The following PTPRA variants were observed in gnomAD, a reference collection of about 807,000 sequenced individuals.
PTPRA encodes protein tyrosine phosphatase receptor type A.
PTPRA carries 25 observed loss-of-function variants against 104.8 expected under a neutral mutation model. That is an observed-to-expected ratio of 0.24 (90% CI 0.17 to 0.33). The LOEUF (loss-of-function observed/expected upper bound fraction) is 0.33. Among genes scored for constraint, PTPRA ranks in the 10% least tolerant of loss-of-function variants. The pLI is 1.00. For missense variants in PTPRA, 765 were observed against 1,015.3 expected (o/e 0.75, Z 3.35); for synonymous variants, 323 against 368.9 (o/e 0.88, Z 1.43).
chr20:3,002,277 T>G lies in PTPRA; in HGVS notation c.739-2779T>G, dbSNP rs139435802. Reference sequence around the variant, plus strand: ...TTCATTCTTCATTTCTGCCTCTTGCTCTTCCCAGTCCACTTTTGCCTTCAT... The same window carrying G: ...TTCATTCTTCATTTCTGCCTCTTGCGCTTCCCAGTCCACTTTTGCCTTCAT... On this transcript the variant is annotated intron_variant, in intron 9 of 23. Coordinates refer to ENST00000399903, the MANE Select transcript of PTPRA (RefSeq NM_001385305.1). 3.2e-3 allele frequency among the ~76,000 whole-genome samples: 486 copies of G among 152,010 alleles called. 3 individuals carry two copies. The highest frequency in any genetic ancestry group is 0.011 in the African/African-American group (466 of 41,480).
chr20:2,938,951 T>C (rs951973767), intron 2 of PTPRA, among the ~76,000 whole-genome samples: 12 of 152,346 alleles, frequency 7.9e-5, no homozygotes, highest in African/African-American at 2.9e-4. Context: ...ATGAGTAATG[T>C]TGGATTGCAT....
intron 11 of PTPRA, among the ~76,000 whole-genome samples, chr20:3,008,110 C>CAAAA (rs1568693399): frequency 1.3e-5 from 2 of 152,126 alleles, no homozygotes; most frequent in African/African-American, 4.8e-5. Context: ...GGAAAGCTGG[C>CAAAA]AAAAGCAAGT....
intron 11 of PTPRA, among the ~76,000 whole-genome samples, chr20:3,009,809 T>A (rs968999160): frequency 1.3e-5 from 2 of 152,008 alleles, no homozygotes; most frequent in Non-Finnish European, 2.9e-5. Context: ...TGTGTCCAGC[T>A]GCGGGTAAGA....
At chr20:3,024,838 T>C (rs1187838141) in intron 17 of PTPRA, among the ~76,000 whole-genome samples, 1 of 152,178 alleles carries the variant, frequency 6.6e-6, no homozygotes, top group Non-Finnish European at 1.5e-5. Context: ...CAGGCAACAG[T>C]ATTTTAAGGC....
chr20:2,967,374 C>A (rs1352204260), intron 5 of PTPRA, among the ~76,000 whole-genome samples: 1 of 152,112 alleles, frequency 6.6e-6, no homozygotes, highest in Non-Finnish European at 1.5e-5. Flanking sequence ...GTCTTAAACC[C>A]CACATCCCAC....
At position 2,986,749 on chromosome 20, in the gene PTPRA, G is replaced by A. The variant is rs768884678; in HGVS notation, c.443-16G>A. 13 of 1,598,614 alleles carry A rather than the reference G, an allele frequency of 8.1e-6. No individual in the cohort carries two copies. Among genetic ancestry groups the A allele is most frequent in the Admixed American group, 1.7e-5 (1 of 59,984 alleles). ...GCACAACACAGTAATGACTTGTTCT[G>A]TTGTCTTGATTTCAGATGAGACACC... is the stretch of plus-strand genomic sequence containing the variant. On this transcript the variant is annotated splice_polypyrimidine_tract_variant and intron_variant, in intron 6 of 23. Transcript: ENST00000399903.
chr20:2,945,932 A>G (rs1473720965), intron 2 of PTPRA, among the ~76,000 whole-genome samples: 1 of 151,824 alleles, frequency 6.6e-6, no homozygotes, highest in Non-Finnish European at 1.5e-5. Context: ...CCATCTCAAT[A>G]TATATATGCG....
intron 1 of PTPRA, among the ~76,000 whole-genome samples, chr20:2,922,677 G>A (rs1371276091): frequency 4.6e-5 from 7 of 151,090 alleles, no homozygotes; most frequent in Middle Eastern, 3.5e-3. Context: ...TGACTTTGTC[G>A]CCTGAGCTGG....
At chr20:2,903,312 A>T (rs2059302492) in intron 1 of PTPRA, among the ~76,000 whole-genome samples, 1 of 152,278 alleles carries the variant, frequency 6.6e-6, no homozygotes. Flanking sequence ...TGTGATGTGG[A>T]GTAAGTGAGC....
chr20:2,910,610 A>AT (rs1352753968), intron 1 of PTPRA, among the ~76,000 whole-genome samples: 1,681 of 45,418 alleles, frequency 0.037, 126 homozygotes, highest in African/African-American at 0.11. Context: ...GTTTTTTTTA[A>AT]TTTTTTTTTT....
At chr20:2,908,599 G>A (rs73084699) in intron 1 of PTPRA, among the ~76,000 whole-genome samples, 5 of 152,142 alleles carry the variant, frequency 3.3e-5, no homozygotes, top group Non-Finnish European at 7.4e-5. Flanking sequence ...TGCCTTAAAA[G>A]CATGACATTC....
chr20:2,898,747 G>T (rs1340503082), intron 1 of PTPRA, among the ~76,000 whole-genome samples: 1 of 151,820 alleles, frequency 6.6e-6, no homozygotes, highest in Non-Finnish European at 1.5e-5. Flanking sequence ...AGTCCCAGCT[G>T]CTAGGGAGGC....
rs533567902 is a variant in PTPRA at position 2,880,996 on chromosome 20, A to T, written c.-129+7236A>T. Among the ~76,000 whole-genome samples, 163 of 151,838 alleles carry T rather than the reference A, an allele frequency of 1.1e-3. 2 individuals carry two copies. The highest frequency in any genetic ancestry group is 1.9e-3 in the Non-Finnish European group (131 of 67,934). On this transcript the variant is annotated intron_variant, in intron 1 of 23. Coordinates refer to ENST00000399903, the MANE Select transcript of PTPRA (RefSeq NM_001385305.1). The stretch of plus-strand genomic sequence containing the variant: ...GTACTCCAGCCTGGGGGACAGAGGG[A>T]GACTCTGTGTCTCAAAAAAAAAAAG...
intron 1 of PTPRA, among the ~76,000 whole-genome samples, chr20:2,874,461 A>G (rs991584490): frequency 2.6e-5 from 4 of 151,938 alleles, no homozygotes; most frequent in African/African-American, 9.7e-5. Flanking sequence ...ATCACTGATG[A>G]TATTTGTAAG....
At position 3,024,600 on chromosome 20, in the gene PTPRA, T is replaced by C. The variant is rs1323675727; in HGVS notation, c.1593T>C (p.Asn531=). 3.1e-6 allele frequency: 5 copies of C among 1,613,944 alleles called. No homozygotes were observed. Among genetic ancestry groups the C allele is most frequent in the Non-Finnish European group, 4.2e-6 (5 of 1,180,020 alleles). Residue 531 remains asparagine, a synonymous_variant, in exon 17 of 24, where the codon AAT becomes AAC. Coordinates refer to ENST00000399903, the MANE Select transcript of PTPRA (RefSeq NM_001385305.1). ...ACAAAATCCCAGGGACCAGCAACAATGGATTAGAGGAGGAGTTTAAGGTGA... is the reference window on the plus strand; with the variant it reads ...ACAAAATCCCAGGGACCAGCAACAACGGATTAGAGGAGGAGTTTAAGGTGA... The part of the protein sequence containing the change: ...IYNKIPGTSN[N]GLEEEFKKLT...
chr20:2,992,295 T>A (rs1029534162), intron 9 of PTPRA, among the ~76,000 whole-genome samples: 15 of 152,252 alleles, frequency 9.9e-5, no homozygotes, highest in Non-Finnish European at 1.6e-4. Flanking sequence ...GTTGGACAGA[T>A]CACCTGAGGT....
rs1285716776 is a variant in PTPRA, at chr20:2,888,526, T to C, written c.-129+14766T>C. Among the ~76,000 whole-genome samples, 3 of 151,628 alleles carry C rather than the reference T, an allele frequency of 2.0e-5. No individual in the cohort carries two copies. The East Asian group carries it at 5.8e-4, about 29-fold the overall frequency. ...GTGAACATACCACAGCACTCCAGCC[T>C]GGGCAGCAGAGTGAGACCCCTGTCT... On this transcript the variant is annotated intron_variant, in intron 1 of 23. Coordinates refer to ENST00000399903, the MANE Select transcript of PTPRA (RefSeq NM_001385305.1).
Position 2,923,974 on chromosome 20 carries a change from G to A in PTPRA, c.-50+689G>A, listed in dbSNP as rs373216445. On this transcript the variant is annotated intron_variant, in intron 2 of 23. Coordinates refer to ENST00000399903, the MANE Select transcript of PTPRA (RefSeq NM_001385305.1). ...AACATACACGTATCTAATAACCCAG[G>A]AATTTCAATTCTAGGTATCCACCTT... Among the ~76,000 whole-genome samples, 51 of 152,190 alleles carry A rather than the reference G, an allele frequency of 3.4e-4. No individual in the cohort carries two copies. The South Asian group carries it at 0.01, about 30-fold the overall frequency.
rs1484993916 is a variant in PTPRA, at chr20:2,965,147, C to T, written c.360C>T (p.Pro120=). 1 of 1,614,054 alleles carries T rather than the reference C, an allele frequency of 6.2e-7. No individual in the cohort carries two copies. Among genetic ancestry groups the T allele is most frequent in the Non-Finnish European group, 8.5e-7 (1 of 1,180,040 alleles). Residue 120 remains proline (P), a synonymous_variant, in exon 5 of 24, where the codon CCC becomes CCT. Coordinates refer to ENST00000399903, the MANE Select transcript of PTPRA (RefSeq NM_001385305.1). ...AGTTCACGGATGCCAGAACAGAACC[C>T]TGGGAGGGGAATTCCAGCACCGCAG... ...DNQFTDARTE[P]WEGNSSTAAT...
Sources: gnomAD v4.1 joint callset for allele counts (sites outside exome capture counted in the v4.1 genomes callset) on GRCh38, gnomAD v4.1.1 for gene constraint, MANE v1.5 for transcripts, NCBI Gene and HGNC (gene_info 2026-07-23, HGNC 2026-07-21) for gene names.